ASB3: variants seen among roughly 807,000 people sequenced by gnomAD.
ASB3 encodes the protein ankyrin repeat and SOCS box protein 3.
Under a neutral mutation model 54.5 loss-of-function variants are expected in ASB3, and 41 were observed. The ratio of observed to expected loss-of-function variants is 0.75; its 90% CI spans 0.59 to 0.98. The LOEUF is 0.98. Ranked by LOEUF, ASB3 falls within the 50% of genes least tolerant of loss-of-function variation. The probability of loss-of-function intolerance (pLI) is 0.00; values close to 1 mark genes in which losing one functional copy is unlikely to be tolerated. For missense variants in ASB3, 733 were observed against 620.0 expected, an observed-to-expected ratio of 1.18 and a Z score of -1.94; for synonymous variants, 266 against 221.2, an observed-to-expected ratio of 1.20 and a Z score of -1.80.
At chr2:53,688,757 G>A (rs1382906387) in intron 9 of ASB3, among the ~76,000 whole-genome samples, 2 of 152,034 alleles carry the variant, frequency 1.3e-5, no homozygotes, top group Non-Finnish European at 2.9e-5. Flanking sequence ...ACACAGGGAG[G>A]GGAACATCAC....
intron 3 of ASB3, chr2:53,748,447 C>T (rs1464533951): frequency 1.3e-5 from 2 of 152,294 alleles, no homozygotes; most frequent in East Asian, 3.9e-4. Flanking sequence ...AAAGCAATCA[C>T]TCCTCTAGGA....
chr2:53,711,047 C>G (rs1362543456), intron 7 of ASB3, among the ~76,000 whole-genome samples: 1 of 152,084 alleles, frequency 6.6e-6, no homozygotes, highest in African/African-American at 2.4e-5. Context: ...GGATAATTGC[C>G]TGAGCCCAGG....
chr2:53,772,221 C>A (rs1673976444), intron 1 of ASB3, among the ~76,000 whole-genome samples: 1 of 152,184 alleles, frequency 6.6e-6, no homozygotes, highest in Non-Finnish European at 1.5e-5. Flanking sequence ...GTCGCCCAGG[C>A]TGGAGTGCAG....
intron 1 of ASB3, among the ~76,000 whole-genome samples, chr2:53,775,630 C>T (rs1674287322): frequency 6.6e-6 from 1 of 152,176 alleles, no homozygotes; most frequent in Non-Finnish European, 1.5e-5. Flanking sequence ...CATGTGCCAC[C>T]ACGCCCGGCT....
At chr2:53,750,962 ATCAACTAGAAGGTAT>A in intron 2 of ASB3, 21 bp from the exon 3 acceptor site, 3 of 1,496,430 alleles carry the variant, frequency 2.0e-6, no homozygotes, top group Non-Finnish European at 2.7e-6. Flanking sequence ...ATCAAAGCCC[ATCAACTAGAAGGTAT>A]TACTTCTATT....
At chr2:53,726,751 C>A (rs967897733) in intron 5 of ASB3, among the ~76,000 whole-genome samples, 6 of 151,508 alleles carry the variant, frequency 4.0e-5, no homozygotes, top group African/African-American at 1.5e-4. Flanking sequence ...GACTGGAGTG[C>A]GGTGGTGCGA....
At chr2:53,718,227 C>T (rs896224080) in intron 5 of ASB3, among the ~76,000 whole-genome samples, 2 of 152,104 alleles carry the variant, frequency 1.3e-5, no homozygotes, top group Non-Finnish European at 2.9e-5. Flanking sequence ...GGCATACAGT[C>T]ACCAGACTGT....
At chr2:53,762,655 T>C (rs1338404700) in intron 2 of ASB3, among the ~76,000 whole-genome samples, 1 of 152,216 alleles carries the variant, frequency 6.6e-6, no homozygotes, top group African/African-American at 2.4e-5. Flanking sequence ...TGAATGGCAT[T>C]AATTGTCAGT....
At position 53,693,900 on chromosome 2, in the gene ASB3, A is replaced by G. The variant is rs1270579754; in HGVS notation, c.1353T>C (p.Ile451=). The stretch of plus-strand genomic sequence containing the variant: ...CTTTCTTACCAATATGTTGCTGTAG[A>G]ATCCAAGCGTTTGAGGCACGAGCAG... ...MLSARASNAW[I]LQQHIATVPS... is the part of the protein sequence containing the mutation. The change falls in exon 9 of 10, where the codon ATT becomes ATC. Residue 451 remains isoleucine (I), a synonymous_variant. Coordinates refer to ENST00000263634, the MANE Select transcript of ASB3 (RefSeq NM_016115.5). 1.2e-6 allele frequency: 2 copies of G among 1,613,476 alleles called. No individual in the cohort carries two copies. The highest frequency in any genetic ancestry group is 2.2e-5 in the South Asian group (2 of 91,034).
chr2:53,704,578 A>G (rs984920923), intron 7 of ASB3, among the ~76,000 whole-genome samples: 1 of 152,172 alleles, frequency 6.6e-6, no homozygotes, highest in Non-Finnish European at 1.5e-5. Flanking sequence ...GACACTGGTT[A>G]TATGACCCTC....
chr2:53,774,184 G>C (rs1375840522), intron 1 of ASB3: 3 of 1,612,596 alleles, frequency 1.9e-6, no homozygotes, highest in Non-Finnish European at 2.5e-6. Context: ...AGTAGGAAAG[G>C]AAGAAGAAGT....
chr2:53,695,789 G>C (rs1203278384), intron 8 of ASB3, among the ~76,000 whole-genome samples: 1 of 152,038 alleles, frequency 6.6e-6, no homozygotes, highest in Non-Finnish European at 1.5e-5. Context: ...CCATTAAATG[G>C]GGGTGGGGTG....
At chr2:53,770,924 G>C (rs1673858069) in intron 1 of ASB3, among the ~76,000 whole-genome samples, 1 of 152,314 alleles carries the variant, frequency 6.6e-6, no homozygotes, top group Middle Eastern at 3.4e-3. Context: ...AGAAAGGTAA[G>C]AACACTTCAT....
intron 1 of ASB3, chr2:53,774,422 C>G (rs780903957): frequency 6.2e-7 from 1 of 1,611,428 alleles, no homozygotes; most frequent in East Asian, 2.2e-5. Flanking sequence ...CTTGCAAATT[C>G]TATTAGGAAC....
chr2:53,735,870 G>A (rs1048939404), intron 3 of ASB3, among the ~76,000 whole-genome samples: 2 of 151,972 alleles, frequency 1.3e-5, no homozygotes, highest in South Asian at 4.1e-4. Context: ...TGACAAAGGT[G>A]ACAATGGTTT....
At chr2:53,708,421 C>T (rs1669908317) in intron 7 of ASB3, among the ~76,000 whole-genome samples, 1 of 152,152 alleles carries the variant, frequency 6.6e-6, no homozygotes, top group Non-Finnish European at 1.5e-5. Flanking sequence ...TTATAAATTA[C>T]CCAGTCTCAG....
chr2:53,676,411 T>C (rs1668082213), intron 9 of ASB3, among the ~76,000 whole-genome samples: 1 of 152,156 alleles, frequency 6.6e-6, no homozygotes, highest in Non-Finnish European at 1.5e-5. Flanking sequence ...AACACATCAT[T>C]CTGTTAAATA....
chr2:53,771,771 AT>A lies in ASB3; in HGVS notation c.-13-6187del, dbSNP rs766472623. The A allele has an allele frequency of 2.9e-4, 197 of 681,748 alleles. 1 individual carries two copies. Among genetic ancestry groups the A allele is most frequent in the Admixed American group, 8.3e-4 (33 of 39,534 alleles). The allele number at this position is 681,748 out of a possible 1,614,324, so 42.2% of individuals were successfully genotyped here. A position where few individuals can be genotyped will look rare whatever the true frequency, so the allele number is the denominator to read the frequency against. On this transcript the variant is annotated intron_variant, in intron 1 of 9. Transcript: ENST00000263634. ...ATTCACTTAAGCTTTATCATAAAAA[AT>A]AACTATGCTTAAGAAATAGTGCTTC...
intron 3 of ASB3, among the ~76,000 whole-genome samples, chr2:53,731,913 A>T (rs1558546093): frequency 6.6e-6 from 1 of 151,904 alleles, no homozygotes; most frequent in Admixed American, 6.6e-5. Flanking sequence ...TCGGCCTCCC[A>T]AAGTGCTGGG....
Sources: allele counts gnomAD v4.1 joint callset (sites outside exome capture counted in the v4.1 genomes callset), GRCh38; gene constraint gnomAD v4.1.1; transcripts MANE v1.5; gene names NCBI Gene and HGNC (gene_info 2026-07-23, HGNC 2026-07-21).